The following XIRP2 variants were observed in gnomAD, a reference collection of about 807,000 sequenced individuals.
XIRP2 encodes xin actin binding repeat containing 2.
Under a neutral mutation model 277.0 loss-of-function variants are expected in XIRP2, and 236 were observed. The ratio of observed to expected loss-of-function variants is 0.85; its 90% CI spans 0.77 to 0.95. The LOEUF (loss-of-function observed/expected upper bound fraction) is 0.95. Among genes scored for constraint, XIRP2 ranks in the 40% least tolerant of loss-of-function variants. XIRP2 has a pLI of 0.00. For missense variants in XIRP2, 4,640 were observed against 4,157.5 expected (o/e 1.12, Z -3.19); for synonymous variants, 1,490 against 1,416.5 (o/e 1.05, Z -1.17).
At chr2:167,073,934 A>T (rs1689498696) in intron 2 of XIRP2, among the ~76,000 whole-genome samples, 1 of 152,214 alleles carries the variant, frequency 6.6e-6, no homozygotes, top group Non-Finnish European at 1.5e-5. Flanking sequence ...TAGAATTTTT[A>T]AAATAATTTC....
At chr2:167,027,449 G>A (rs911714327) in intron 2 of XIRP2, among the ~76,000 whole-genome samples, 1 of 152,008 alleles carries the variant, frequency 6.6e-6, no homozygotes, top group African/African-American at 2.4e-5. Flanking sequence ...CCATTGGTTT[G>A]AATTTCCTCC....
At chr2:167,187,428 G>A (rs1477104321) in intron 3 of XIRP2, 5 of 985,212 alleles carry the variant, frequency 5.1e-6, no homozygotes, top group Non-Finnish European at 6.0e-6. Flanking sequence ...AGGGGACTGG[G>A]AAATTGGCTG....
chr2:166,942,155 G>A (rs1304227381), intron 2 of XIRP2, among the ~76,000 whole-genome samples: 1 of 152,090 alleles, frequency 6.6e-6, no homozygotes, highest in Non-Finnish European at 1.5e-5. Context: ...CTATGCCCTG[G>A]CAAAGTTTCT....
chr2:167,032,525 G>A (rs1688393360), intron 2 of XIRP2, among the ~76,000 whole-genome samples: 1 of 152,060 alleles, frequency 6.6e-6, no homozygotes, highest in South Asian at 2.1e-4. Flanking sequence ...CTGCAGAATG[G>A]GAGAACATTT....
chr2:167,075,713 C>G (rs59993077), intron 2 of XIRP2, among the ~76,000 whole-genome samples: 3,272 of 152,260 alleles, frequency 0.021, 118 homozygotes, highest in African/African-American at 0.074. Flanking sequence ...GTGATCTCCG[C>G]TCACTGCAAC....
chr2:167,024,167 A>C (rs972057739), intron 2 of XIRP2, among the ~76,000 whole-genome samples: 18 of 152,044 alleles, frequency 1.2e-4, no homozygotes, highest in Non-Finnish European at 2.5e-4. Context: ...AAGGTCCCTC[A>C]CGTCCCTTTT....
At chr2:167,219,755 C>G (rs973763157) in intron 5 of XIRP2, among the ~76,000 whole-genome samples, 3 of 152,174 alleles carry the variant, frequency 2.0e-5, no homozygotes, top group African/African-American at 7.2e-5. Context: ...TTCATAACCC[C>G]CTCAGTCTTC....
At chr2:167,021,198 G>A (rs2105484858) in intron 2 of XIRP2, among the ~76,000 whole-genome samples, 1 of 152,134 alleles carries the variant, frequency 6.6e-6, no homozygotes, top group Middle Eastern at 3.4e-3. Context: ...TTTCAGGTGT[G>A]TTTTATAGTG....
intron 2 of XIRP2, among the ~76,000 whole-genome samples, chr2:166,979,508 A>G (rs1686812023): frequency 6.6e-6 from 1 of 150,726 alleles, no homozygotes; most frequent in Non-Finnish European, 1.5e-5. Context: ...AGATGCTAAG[A>G]GTAGGGTTTT....
intron 2 of XIRP2, among the ~76,000 whole-genome samples, chr2:166,962,400 T>C (rs1686322216): frequency 6.6e-6 from 1 of 151,640 alleles, no homozygotes; most frequent in African/African-American, 2.4e-5. Flanking sequence ...GGGGGTAATA[T>C]TGTATTGTCA....
At chr2:167,126,601 T>C (rs1691214049) in intron 2 of XIRP2, among the ~76,000 whole-genome samples, 1 of 152,188 alleles carries the variant, frequency 6.6e-6, no homozygotes, top group Admixed American at 6.6e-5. Flanking sequence ...TTCTATTAAA[T>C]GGAAGAGCTC....
chr2:166,906,649 C>G (rs1684532280), intron 2 of XIRP2, among the ~76,000 whole-genome samples: 1 of 152,010 alleles, frequency 6.6e-6, no homozygotes, highest in African/African-American at 2.4e-5. Flanking sequence ...AAGGGATCTA[C>G]AGACTCTTAA....
rs147468080 is a variant in XIRP2 at position 167,257,772 on chromosome 2, G to A, written c.*40-85G>A. The A allele has an allele frequency of 1.0e-5, 14 of 1,383,560 alleles. No homozygotes were observed. In the African/African-American group the frequency reaches 1.2e-4, roughly 11 times the overall value. 85.7% of individuals were successfully genotyped at this position (1,383,560 alleles called of 1,614,324 possible). On this transcript the variant is annotated intron_variant, in intron 10 of 10. Coordinates refer to ENST00000409195, the MANE Select transcript of XIRP2 (RefSeq NM_152381.6). ...GCTAGTAACTTAAGTTTACTAGTCT[G>A]TAACTCATTGAAATAATTAATCCCC...
chr2:167,191,126 C>T (rs774159205), intron 3 of XIRP2, among the ~76,000 whole-genome samples: 1 of 144,132 alleles, frequency 6.9e-6, no homozygotes, highest in Non-Finnish European at 1.5e-5. Context: ...GTTGAGGCTG[C>T]GATAAACCAT....
At chr2:167,211,564 A>G (rs1041230294) in intron 4 of XIRP2, among the ~76,000 whole-genome samples, 3 of 152,222 alleles carry the variant, frequency 2.0e-5, no homozygotes, top group African/African-American at 7.2e-5. Flanking sequence ...CTTAACCTGT[A>G]GATATTCTCC....
At chr2:167,103,096 G>A (rs890101662) in intron 2 of XIRP2, among the ~76,000 whole-genome samples, 3 of 151,942 alleles carry the variant, frequency 2.0e-5, no homozygotes, top group Non-Finnish European at 4.4e-5. Flanking sequence ...TTCAGATCGC[G>A]CCACTACACT....
Position 166,946,585 on chromosome 2 carries a change from A to G in XIRP2, c.408+42695A>G, listed in dbSNP as rs146258194. Among the ~76,000 whole-genome samples, 5 of 152,254 alleles carry G rather than the reference A, an allele frequency of 3.3e-5. No homozygotes were observed. In the East Asian group the frequency reaches 9.7e-4, roughly 29 times the overall value. ...AGTGACATGGTGTATGCATCATTTT[A>G]CTCAAAGATTTGAAGAGGTTTTTTA... On this transcript the variant is annotated intron_variant, in intron 2 of 10. Coordinates refer to ENST00000409195, the MANE Select transcript of XIRP2 (RefSeq NM_152381.6).
intron 2 of XIRP2, among the ~76,000 whole-genome samples, chr2:167,125,202 C>T (rs752094568): frequency 6.6e-6 from 1 of 152,112 alleles, no homozygotes; most frequent in Non-Finnish European, 1.5e-5. Context: ...TTCCTGGATA[C>T]TATGTCAATA....
Position 167,243,666 on chromosome 2 carries a change from C to G in XIRP2, c.2274C>G (p.His758Gln). The change falls in exon 9 of 11, where the codon CAC becomes CAG. Residue 758 changes from histidine (H) to glutamine (Q), a missense_variant. Coordinates refer to ENST00000409195, the MANE Select transcript of XIRP2 (RefSeq NM_152381.6). ...SGQMLEIKTV[H>Q]REDVEKGDVR... ...AAATGCTGGAAATTAAAACTGTTCA[C>G]AGAGAAGACGTTGAAAAGGGAGATG... The G allele has an allele frequency of 6.2e-7, 1 of 1,613,934 alleles. No homozygotes were observed. Among genetic ancestry groups the G allele is most frequent in the Middle Eastern group, 1.6e-4 (1 of 6,062 alleles).
Sources: gnomAD v4.1 joint callset for allele counts (sites outside exome capture counted in the v4.1 genomes callset) on GRCh38, gnomAD v4.1.1 for gene constraint, MANE v1.5 for transcripts, NCBI Gene and HGNC (gene_info 2026-07-23, HGNC 2026-07-21) for gene names.